Variants in MDGA2 observed in about 807,000 individuals in gnomAD.
MDGA2 encodes the protein MAM domain containing glycosylphosphatidylinositol anchor 2, also known as MAM domain-containing glycosylphosphatidylinositol anchor protein 2.
In MDGA2, 40 loss-of-function variants were observed where a neutral mutation model predicts 117.8. The ratio of observed to expected loss-of-function variants is 0.34; its 90% confidence interval spans 0.26 to 0.44. MDGA2 has a LOEUF of 0.44. Among genes scored for constraint, MDGA2 ranks in the 20% least tolerant of loss-of-function variants. MDGA2 has a pLI of 1.00. For missense variants in MDGA2, 1,123 were observed against 1,250.6 expected (o/e 0.90, Z 1.54); for synonymous variants, 452 against 439.0 (o/e 1.03, Z -0.37).
intron 1 of MDGA2, among the ~76,000 whole-genome samples, chr14:47,635,966 C>CA (rs1404785740): frequency 2.0e-5 from 3 of 152,058 alleles, no homozygotes; most frequent in Admixed American, 2.0e-4. Flanking sequence ...AACTTATTGA[C>CA]AAAAAACACA....
At chr14:46,955,899 C>A (rs1468529799) in intron 9 of MDGA2, among the ~76,000 whole-genome samples, 5 of 152,022 alleles carry the variant, frequency 3.3e-5, no homozygotes, top group African/African-American at 7.2e-5. Context: ...ATATATGGAT[C>A]TTTGTATACT....
chr14:47,016,103 A>AT (rs936680326), intron 8 of MDGA2, among the ~76,000 whole-genome samples: 7 of 152,088 alleles, frequency 4.6e-5, no homozygotes, highest in Admixed American at 3.9e-4. Context: ...CTTTAATTGT[A>AT]TTTTTTTACA....
chr14:47,364,700 A>G (rs1891195276), intron 1 of MDGA2, among the ~76,000 whole-genome samples: 1 of 152,256 alleles, frequency 6.6e-6, no homozygotes. Context: ...TAAAAATGGT[A>G]TATGTTTAAA....
chr14:47,181,844 G>A (rs974023088), intron 3 of MDGA2, among the ~76,000 whole-genome samples: 2 of 152,130 alleles, frequency 1.3e-5, no homozygotes, highest in South Asian at 4.2e-4. Context: ...AATTAAAAAG[G>A]CTATGTCCTA....
intron 10 of MDGA2, among the ~76,000 whole-genome samples, chr14:46,914,170 C>T (rs906140440): frequency 6.6e-6 from 1 of 151,964 alleles, no homozygotes; most frequent in African/African-American, 2.4e-5. Context: ...AACTTAGAAA[C>T]ATTTTTCCTG....
chr14:47,197,238 C>T (rs1331958212), intron 3 of MDGA2, among the ~76,000 whole-genome samples: 1 of 152,060 alleles, frequency 6.6e-6, no homozygotes, highest in Non-Finnish European at 1.5e-5. Context: ...GAAATCTCAA[C>T]CCCGAATGAT....
chr14:47,070,892 A>G (rs1201161491), intron 6 of MDGA2, among the ~76,000 whole-genome samples: 1 of 152,158 alleles, frequency 6.6e-6, no homozygotes, highest in Non-Finnish European at 1.5e-5. Context: ...ACAGGTGTGA[A>G]CCACCGCACC....
intron 10 of MDGA2, among the ~76,000 whole-genome samples, chr14:46,910,395 A>C (rs1883653954): frequency 6.6e-6 from 1 of 151,950 alleles, no homozygotes; most frequent in South Asian, 2.1e-4. Flanking sequence ...TGACTGTTTG[A>C]TTTTTCTCTT....
intron 2 of MDGA2, among the ~76,000 whole-genome samples, chr14:47,220,530 G>A (rs1315848043): frequency 2.6e-5 from 4 of 152,022 alleles, no homozygotes; most frequent in Admixed American, 6.6e-5. Flanking sequence ...TTGAACAGTG[G>A]GCCGATTTGA....
At chr14:47,227,060 C>T (rs1323413621) in intron 2 of MDGA2, among the ~76,000 whole-genome samples, 1 of 152,086 alleles carries the variant, frequency 6.6e-6, no homozygotes, top group Middle Eastern at 3.2e-3. Context: ...CTGAAATTCC[C>T]TCTGTGAGAG....
At chr14:47,455,679 G>A (rs1422642693) in intron 1 of MDGA2, among the ~76,000 whole-genome samples, 1 of 152,104 alleles carries the variant, frequency 6.6e-6, no homozygotes. Flanking sequence ...ATGAGTGAAT[G>A]TAAATTGAAG....
At chr14:47,182,819 C>G (rs117706817) in intron 3 of MDGA2, among the ~76,000 whole-genome samples, 1 of 152,110 alleles carries the variant, frequency 6.6e-6, no homozygotes, top group Non-Finnish European at 1.5e-5. Context: ...AATCTGCTCT[C>G]AAACAAATTA....
intron 14 of MDGA2, among the ~76,000 whole-genome samples, chr14:46,868,205 G>T (rs958632931): frequency 6.6e-6 from 1 of 151,684 alleles, no homozygotes; most frequent in Admixed American, 6.6e-5. Context: ...GGGAACAAAA[G>T]GAGCAGAGAA....
At chr14:46,877,548 A>C in intron 11 of MDGA2, 39 bp from the exon 12 acceptor site, 1 of 1,452,882 alleles carries the variant, frequency 6.9e-7, no homozygotes, top group Non-Finnish European at 9.5e-7. Flanking sequence ...ACAAAAAAAC[A>C]ATGTTAGCAT....
intron 3 of MDGA2, among the ~76,000 whole-genome samples, chr14:47,179,102 C>T (rs1884595902): frequency 6.6e-6 from 1 of 151,910 alleles, no homozygotes; most frequent in Non-Finnish European, 1.5e-5. Context: ...CTGTGCCTAG[C>T]CTTTTGTTAG....
intron 8 of MDGA2, among the ~76,000 whole-genome samples, chr14:46,958,964 C>G (rs754890307): frequency 6.6e-6 from 1 of 152,036 alleles, no homozygotes; most frequent in Non-Finnish European, 1.5e-5. Context: ...ACTCTAATAT[C>G]GAGGAGTTGT....
At chr14:47,328,510 C>T (rs917693475) in intron 1 of MDGA2, among the ~76,000 whole-genome samples, 9 of 152,216 alleles carry the variant, frequency 5.9e-5, no homozygotes, top group South Asian at 2.1e-4. Flanking sequence ...ACAATTTGCA[C>T]GTTTTATGCA....
chr14:46,922,259 TG>T, intron 9 of MDGA2, among the ~76,000 whole-genome samples: 1 of 152,224 alleles, frequency 6.6e-6, no homozygotes, highest in South Asian at 2.1e-4. Context: ...CCTTTGAATA[TG>T]GAATGGCCTA....
At chr14:47,084,461 T>G (rs1890820950) in intron 6 of MDGA2, among the ~76,000 whole-genome samples, 1 of 149,010 alleles carries the variant, frequency 6.7e-6, no homozygotes, top group African/African-American at 2.5e-5. Flanking sequence ...GTAAATTATC[T>G]AATTCCCACT....
Sources: allele counts gnomAD v4.1 joint callset (sites outside exome capture counted in the v4.1 genomes callset), GRCh38; gene constraint gnomAD v4.1.1; transcripts MANE v1.5; gene names NCBI Gene and HGNC (gene_info 2026-07-23, HGNC 2026-07-21).